VPS13C: variants seen among roughly 807,000 people sequenced by gnomAD.
VPS13C encodes the protein intermembrane lipid transfer protein VPS13C.
VPS13C carries 358 observed loss-of-function variants against 456.8 expected under a neutral mutation model. The observed-to-expected ratio is 0.78, with a 90% CI of 0.72 to 0.86. The LOEUF is 0.86. Among genes scored for constraint, VPS13C ranks in the 40% least tolerant of loss-of-function variants. VPS13C has a pLI of 0.00. For synonymous variants in VPS13C, 1,578 were observed against 1,486.7 expected, an observed-to-expected ratio of 1.06 and a Z score of -1.41; for missense variants, 4,818 against 4,385.4, an observed-to-expected ratio of 1.10 and a Z score of -2.79.
rs1893798656 is a variant in VPS13C at position 61,854,451 on chromosome 15, C to G, written c.*6G>C. 5.6e-6 allele frequency: 9 copies of G among 1,613,572 alleles called. No individual in the cohort carries two copies. Among genetic ancestry groups the G allele is most frequent in the Non-Finnish European group, 7.6e-6 (9 of 1,179,506 alleles). On this transcript the variant is annotated 3_prime_UTR_variant, in exon 85 of 85. Transcript: ENST00000644861. The stretch of plus-strand genomic sequence containing the variant: ...TTCTCCCTGTTGGAGCCCCTGAGGT[C>G]TGTGATTAAGATGGCAATTGGGGTC...
At chr15:61,909,797 C>G (rs34435758) in intron 64 of VPS13C, among the ~76,000 whole-genome samples, 9,751 of 152,068 alleles carry the variant, frequency 0.064, 347 homozygotes, top group Non-Finnish European at 0.081. Flanking sequence ...ATCATTGTTG[C>G]ACATTTGAGT....
chr15:61,913,733 G>A (rs1240624200), intron 61 of VPS13C, among the ~76,000 whole-genome samples: 1 of 152,168 alleles, frequency 6.6e-6, no homozygotes, highest in East Asian at 1.9e-4. Flanking sequence ...ATGTTTTCCA[G>A]TGATAGACTT....
At chr15:62,002,508 A>G (rs2046664521) in intron 15 of VPS13C, among the ~76,000 whole-genome samples, 1 of 152,066 alleles carries the variant, frequency 6.6e-6, no homozygotes, top group African/African-American at 2.4e-5. Flanking sequence ...TGCTGTGCAG[A>G]AGCGCTTTAG....
intron 62 of VPS13C, among the ~76,000 whole-genome samples, chr15:61,913,050 T>C (rs547097230): frequency 6.6e-6 from 1 of 150,642 alleles, no homozygotes; most frequent in South Asian, 2.1e-4. Context: ...GGAGAGGATG[T>C]GGAGAAATAG....
At chr15:62,018,153 C>T (rs867724001) in intron 9 of VPS13C, among the ~76,000 whole-genome samples, 47 of 152,246 alleles carry the variant, frequency 3.1e-4, no homozygotes, top group Admixed American at 1.2e-3. Flanking sequence ...TGAGACTTTG[C>T]TGAAGTTGCT....
chr15:61,915,553 T>C (rs1324772160), intron 61 of VPS13C, 80 bp downstream of exon 61: 1 of 1,410,772 alleles, frequency 7.1e-7, no homozygotes, highest in Non-Finnish European at 9.5e-7. Flanking sequence ...GTTAGCATGG[T>C]TTTAGGGAAG....
intron 28 of VPS13C, among the ~76,000 whole-genome samples, chr15:61,968,210 C>T (rs531731027): frequency 2.0e-5 from 3 of 151,842 alleles, no homozygotes; most frequent in African/African-American, 7.2e-5. Context: ...GGTCTTTATA[C>T]AGTCAGTGTT....
chr15:61,895,413 CAA>C (rs1342032617), intron 66 of VPS13C, among the ~76,000 whole-genome samples: 1 of 151,630 alleles, frequency 6.6e-6, no homozygotes, highest in Non-Finnish European at 1.5e-5. Context: ...ATCAATGAAA[CAA>C]AAAGTTTTTT....
intron 68 of VPS13C, among the ~76,000 whole-genome samples, chr15:61,882,967 T>G (rs969483764): frequency 6.6e-6 from 1 of 152,064 alleles, no homozygotes; most frequent in Non-Finnish European, 1.5e-5. Context: ...ACTATAGTTT[T>G]AAAAACATGC....
intron 82 of VPS13C, among the ~76,000 whole-genome samples, chr15:61,856,957 C>A (rs1045713538): frequency 6.6e-6 from 1 of 152,118 alleles, no homozygotes; most frequent in African/African-American, 2.4e-5. Flanking sequence ...GATTTGAACA[C>A]TTTAATGCTA....
intron 1 of VPS13C, among the ~76,000 whole-genome samples, chr15:62,052,603 G>A (rs1381841278): frequency 6.8e-6 from 1 of 147,636 alleles, no homozygotes; most frequent in Admixed American, 6.8e-5. Context: ...AACCCAGGAG[G>A]CAGAGCTTGC....
chr15:61,866,400 G>T, intron 81 of VPS13C: 2 of 983,430 alleles, frequency 2.0e-6, no homozygotes, highest in Non-Finnish European at 2.4e-6. Context: ...GATATCACAA[G>T]GAAAAAATTA....
intron 18 of VPS13C, among the ~76,000 whole-genome samples, chr15:61,985,470 T>G (rs2046018907): frequency 6.6e-6 from 1 of 152,174 alleles, no homozygotes; most frequent in Admixed American, 6.5e-5. Context: ...TTGGTCAGAC[T>G]GGTCTCGAAC....
intron 42 of VPS13C, among the ~76,000 whole-genome samples, chr15:61,948,697 A>T (rs1390415105): frequency 1.3e-5 from 2 of 152,006 alleles, no homozygotes; most frequent in Non-Finnish European, 1.5e-5. Context: ...AAAAAAAAAG[A>T]AAAATCAGAT....
intron 24 of VPS13C, among the ~76,000 whole-genome samples, chr15:61,975,275 T>C (rs914072081): frequency 1.3e-5 from 2 of 151,448 alleles, no homozygotes; most frequent in Admixed American, 1.3e-4. Flanking sequence ...AAATAATAAA[T>C]ATCAGAGAGG....
chr15:61,896,076 T>A (rs1353434740), intron 66 of VPS13C, among the ~76,000 whole-genome samples: 2 of 152,140 alleles, frequency 1.3e-5, no homozygotes, highest in African/African-American at 4.8e-5. Flanking sequence ...TACAATTGTG[T>A]CAATTTTTAA....
At chr15:61,926,073 G>C (rs2043837799) in intron 52 of VPS13C, among the ~76,000 whole-genome samples, 1 of 152,128 alleles carries the variant, frequency 6.6e-6, no homozygotes, top group Non-Finnish European at 1.5e-5. Flanking sequence ...ACTGAATGGA[G>C]CAATTAGTAC....
At chr15:61,972,444 ATC>A (rs949157911) in intron 27 of VPS13C, among the ~76,000 whole-genome samples, 179 bp downstream of exon 27, 12 of 152,104 alleles carry the variant, frequency 7.9e-5, no homozygotes, top group African/African-American at 2.9e-4. Context: ...ATTGTTAAAA[ATC>A]TCTGTGTGTG....
At chr15:61,905,098 T>C (rs973100059) in intron 66 of VPS13C, among the ~76,000 whole-genome samples, 5 of 152,112 alleles carry the variant, frequency 3.3e-5, no homozygotes, top group Non-Finnish European at 7.4e-5. Flanking sequence ...CAATAATGTA[T>C]TCTGTAGCTC....
Sources: allele counts gnomAD v4.1 joint callset (sites outside exome capture counted in the v4.1 genomes callset), GRCh38; gene constraint gnomAD v4.1.1; transcripts MANE v1.5; gene names NCBI Gene and HGNC (gene_info 2026-07-23, HGNC 2026-07-21).